ANK2: variants seen among roughly 807,000 people sequenced by gnomAD.
The protein encoded by ANK2 is ankyrin-2.
ANK2 carries 83 observed loss-of-function variants against 360.5 expected under a neutral mutation model. That is an observed-to-expected ratio of 0.23 (90% CI 0.19 to 0.28). ANK2 has a LOEUF of 0.28. Ranked by LOEUF, ANK2 falls within the 10% of genes least tolerant of loss-of-function variation. ANK2 has a pLI of 1.00. For missense variants in ANK2, 4,201 were observed against 4,795.7 expected, an observed-to-expected ratio of 0.88 and a Z score of 3.66; for synonymous variants, 1,740 against 1,759.5, an observed-to-expected ratio of 0.99 and a Z score of 0.28.
intron 1 of ANK2, among the ~76,000 whole-genome samples, chr4:112,858,481 G>C (rs544114517): frequency 1.3e-5 from 2 of 152,158 alleles, no homozygotes; most frequent in African/African-American, 4.8e-5. Context: ...TGTAGTGAGA[G>C]AAGAGAAATT....
At chr4:112,830,756 G>A (rs957448187) in intron 1 of ANK2, among the ~76,000 whole-genome samples, 7 of 152,268 alleles carry the variant, frequency 4.6e-5, no homozygotes, top group South Asian at 4.1e-4. Context: ...GCCCCTCTCT[G>A]GGCTGGCCAA....
intron 2 of ANK2, among the ~76,000 whole-genome samples, chr4:113,188,138 A>G (rs1164760474): frequency 6.6e-6 from 1 of 152,204 alleles, no homozygotes; most frequent in Non-Finnish European, 1.5e-5. Context: ...GGTTATATTT[A>G]CATAGAATTT....
chr4:112,877,837 A>T (rs1170603510), intron 1 of ANK2, among the ~76,000 whole-genome samples: 1 of 152,122 alleles, frequency 6.6e-6, no homozygotes, highest in Non-Finnish European at 1.5e-5. Flanking sequence ...TCCACCTTGG[A>T]TTCTCCACCT....
At chr4:113,196,116 G>A (rs549960119) in intron 2 of ANK2, among the ~76,000 whole-genome samples, 44 of 152,098 alleles carry the variant, frequency 2.9e-4, no homozygotes, top group African/African-American at 5.1e-4. Flanking sequence ...AGATTTCTTC[G>A]TTTAAAAAAA....
intron 5 of ANK2, among the ~76,000 whole-genome samples, chr4:113,236,541 TA>T (rs2099385456): frequency 6.6e-6 from 1 of 152,220 alleles, no homozygotes; most frequent in Admixed American, 6.5e-5. Context: ...ACCATTCAGA[TA>T]TATTTAATAA....
intron 2 of ANK2, among the ~76,000 whole-genome samples, chr4:113,015,085 C>CCTGACCTCATGATCCG (rs1306872953): frequency 6.6e-6 from 1 of 151,814 alleles, no homozygotes; most frequent in Admixed American, 6.6e-5. Context: ...GCCTCGATCT[C>CCTGACCTCATGATCCG]CTGACCTCAT....
At position 112,943,959 on chromosome 4, in the gene ANK2, A is replaced by G. The variant is rs540731855; in HGVS notation, c.21+39445A>G. 2.6e-5 allele frequency among the ~76,000 whole-genome samples: 4 copies of G among 152,322 alleles called. No homozygotes were observed. The South Asian group carries it at 8.3e-4, about 32-fold the overall frequency. On this transcript the variant is annotated intron_variant, in intron 2 of 30. Coordinates refer to the ANK2 transcript ENST00000503271. ...TTAATTTGTATGACAGATGTAATTTAGATGACCTCAGACTAAACAAAATGG... is the reference window on the plus strand; with the variant it reads ...TTAATTTGTATGACAGATGTAATTTGGATGACCTCAGACTAAACAAAATGG...
chr4:112,981,709 T>C (rs2043170026), intron 2 of ANK2, among the ~76,000 whole-genome samples: 1 of 152,140 alleles, frequency 6.6e-6, no homozygotes, highest in Admixed American at 6.5e-5. Context: ...GGAAGAAGCA[T>C]AGGAAAATAC....
chr4:113,255,046 G>A (rs1428437469), intron 10 of ANK2, among the ~76,000 whole-genome samples: 1 of 152,142 alleles, frequency 6.6e-6, no homozygotes, highest in Non-Finnish European at 1.5e-5. Flanking sequence ...TGTTCCTGCT[G>A]TTGACCTTAC....
At position 113,358,578 on chromosome 4, in the gene ANK2, G is replaced by C; in HGVS notation, c.9960G>C (p.Glu3320Asp). 1 of 1,614,088 alleles carries C rather than the reference G, an allele frequency of 6.2e-7. No homozygotes were observed. Among genetic ancestry groups the C allele is most frequent in the Non-Finnish European group, 8.5e-7 (1 of 1,179,968 alleles). ...PTSTPAPPSA[E>D]YESSVSEDFL... Reference sequence around the variant, plus strand: ...CCACCCCAGCACCTCCATCTGCAGAGTATGAGAGTTCAGTTTCTGAAGATT... The same window carrying C: ...CCACCCCAGCACCTCCATCTGCAGACTATGAGAGTTCAGTTTCTGAAGATT... The change falls in exon 38 of 46, where the codon GAG becomes GAC. Residue 3320 changes from glutamate to aspartate, a missense_variant. By Grantham distance (45) the Glu-to-Asp change is conservative (BLOSUM62 2). Coordinates refer to ENST00000357077, the MANE Select transcript of ANK2 (RefSeq NM_001148.6).
At chr4:113,131,358 T>G (rs1471175960) in intron 1 of ANK2, among the ~76,000 whole-genome samples, 1 of 152,220 alleles carries the variant, frequency 6.6e-6, no homozygotes, top group Non-Finnish European at 1.5e-5. Flanking sequence ...TCAGTTTGAC[T>G]TTGATGAATG....
chr4:113,286,072 C>T (rs182875860), intron 18 of ANK2, among the ~76,000 whole-genome samples: 136 of 152,246 alleles, frequency 8.9e-4, no homozygotes, highest in African/African-American at 3.0e-3. Flanking sequence ...GCAAATAGAG[C>T]AGAAAAAAGC....
At position 112,913,241 on chromosome 4, in the gene ANK2, G is replaced by A. The variant is rs72892434; in HGVS notation, c.21+8727G>A. Among the ~76,000 whole-genome samples the A allele has an allele frequency of 5.5e-3, 831 of 152,150 alleles. 11 individuals carry two copies. Among genetic ancestry groups the A allele is most frequent in the African/African-American group, 0.019 (784 of 41,504 alleles). ...AAAATTTATGTAAATGGCCAGTAAT[G>A]GATACTTAATTACCTTTCTGTAATG... is the stretch of plus-strand genomic sequence containing the variant. On this transcript the variant is annotated intron_variant, in intron 2 of 30. Transcript: ENST00000503271.
At chr4:113,329,145 A>G (rs1588324728) in intron 26 of ANK2, among the ~76,000 whole-genome samples, 1 of 152,230 alleles carries the variant, frequency 6.6e-6, no homozygotes, top group Non-Finnish European at 1.5e-5. Context: ...ATGTCTTTGT[A>G]TACGTATACA....
intron 1 of ANK2, among the ~76,000 whole-genome samples, chr4:112,892,493 A>G (rs2080350576): frequency 1.3e-5 from 2 of 152,236 alleles, no homozygotes; most frequent in African/African-American, 4.8e-5. Context: ...AACAAATGAT[A>G]GCTTCTATAA....
At position 113,373,391 on chromosome 4, in the gene ANK2, A is replaced by G. The variant is rs1408198357; in HGVS notation, c.11801A>G (p.Asp3934Gly). The G allele has an allele frequency of 1.9e-6, 3 of 1,614,112 alleles. No homozygotes were observed. The highest frequency in any genetic ancestry group is 3.3e-5 in the Admixed American group (2 of 60,004). The change falls in exon 45 of 46, where the codon GAT becomes GGT. Residue 3934 changes from aspartate (D) to glycine (G), a missense_variant. By Grantham distance (94) the Asp-to-Gly change is moderately conservative. This residue lies in a region of ANK2 where 2,642 missense variants were observed against 2,714.5 expected (regional missense o/e 0.97). Coordinates refer to ENST00000357077, the MANE Select transcript of ANK2 (RefSeq NM_001148.6). ...GAACCTGTCAACATCGAGGAAGGGGATGGCTATTCCAAAGTTATAAAGCGT... is the reference window on the plus strand; with the variant it reads ...GAACCTGTCAACATCGAGGAAGGGGGTGGCTATTCCAAAGTTATAAAGCGT... ...PQEPVNIEEG[D>G]GYSKVIKRVV...
intron 2 of ANK2, among the ~76,000 whole-genome samples, chr4:113,042,011 C>T (rs1252152384): frequency 6.6e-6 from 1 of 152,126 alleles, no homozygotes; most frequent in Non-Finnish European, 1.5e-5. Flanking sequence ...ACCCAGATAG[C>T]TGGTAAAACA....
intron 1 of ANK2, among the ~76,000 whole-genome samples, chr4:112,822,871 T>A (rs573223626): frequency 2.7e-5 from 4 of 149,750 alleles, no homozygotes; most frequent in Admixed American, 6.6e-5. Flanking sequence ...ACAAGAGATT[T>A]AAAAAAAAAA....
At chr4:113,255,660 A>C in intron 10 of ANK2, 75 bp from the exon 11 acceptor site, 14 of 1,492,642 alleles carry the variant, frequency 9.4e-6, no homozygotes, top group Non-Finnish European at 1.2e-5. Context: ...ATCAAGAATC[A>C]ACTTTGCTGT....
Sources: allele counts gnomAD v4.1 joint callset (sites outside exome capture counted in the v4.1 genomes callset), GRCh38; gene constraint gnomAD v4.1.1; regional missense constraint gnomAD v4.1.1; transcripts MANE v1.5; gene names NCBI Gene and HGNC (gene_info 2026-07-23, HGNC 2026-07-21).